AVIL: variants seen among roughly 807,000 people sequenced by gnomAD.
AVIL encodes the protein advillin.
AVIL carries 78 observed loss-of-function variants against 109.9 expected under a neutral mutation model. That is an observed-to-expected ratio of 0.71 (90% CI 0.59 to 0.86). AVIL has a LOEUF of 0.86. Ranked by LOEUF, AVIL falls within the 40% of genes least tolerant of loss-of-function variation. The probability of loss-of-function intolerance (pLI) is 0.00; values close to 1 mark genes in which losing one functional copy is unlikely to be tolerated. For missense variants in AVIL, 892 were observed against 1,016.5 expected, an observed-to-expected ratio of 0.88 and a Z score of 1.67; for synonymous variants, 367 against 379.1, an observed-to-expected ratio of 0.97 and a Z score of 0.37.
intron 2 of AVIL, 99 bp from the exon 3 acceptor site, chr12:57,814,325 G>T: frequency 8.3e-7 from 1 of 1,202,864 alleles, no homozygotes; most frequent in Non-Finnish European, 1.2e-6. Flanking sequence ...GTGGTGGGGA[G>T]AAGGAGGGGA....
intron 9 of AVIL, 137 bp from the exon 10 acceptor site, chr12:57,808,685 C>T (rs896121209): frequency 2.7e-6 from 3 of 1,093,556 alleles, no homozygotes; most frequent in Non-Finnish European, 3.8e-6. Flanking sequence ...TTCTAACTCA[C>T]TTTTGTCTAA....
intron 2 of AVIL, 150 bp from the exon 3 acceptor site, chr12:57,814,376 AC>A: frequency 2.7e-6 from 2 of 749,290 alleles, no homozygotes; most frequent in South Asian, 3.4e-5. Context: ...GCTGCCAGCC[AC>A]AGGGTTAACG....
chr12:57,805,678 C>T (rs1457229602), intron 14 of AVIL, among the ~76,000 whole-genome samples: 12 of 151,532 alleles, frequency 7.9e-5, no homozygotes, highest in East Asian at 1.9e-4. Context: ...GGACTACAGG[C>T]GCATGCTGCC....
Position 57,803,610 on chromosome 12 carries a change from G to A in AVIL, c.1731C>T (p.Gly577=), listed in dbSNP as rs561583168. The A allele has an allele frequency of 1.4e-5, 23 of 1,614,154 alleles. No individual in the cohort carries two copies. The South Asian group carries it at 2.0e-4, about 14-fold the overall frequency. ...AKELASLLCD[G]SENTVAEGQE... ...GGCCCTCGGCCACAGTGTTCTCGCT[G>A]CCATCACAGAGAAGGCTGGCCAGCT... Residue 577 remains glycine (G), a synonymous_variant, in exon 15 of 20, where the codon GGC becomes GGT. Coordinates refer to ENST00000549994, the MANE Select transcript of AVIL (RefSeq NM_006576.4).
chr12:57,816,200 A>C, intron 1 of AVIL, 141 bp from the exon 2 acceptor site: 11 of 651,494 alleles, frequency 1.7e-5, no homozygotes, highest in Admixed American at 3.3e-5. Flanking sequence ...CCATTTCACA[A>C]TGATGGGGGC....
chr12:57,809,943 A>T, intron 7 of AVIL, 53 bp from the exon 8 acceptor site: 1 of 1,567,116 alleles, frequency 6.4e-7, no homozygotes, highest in Non-Finnish European at 8.8e-7. Flanking sequence ...AGCATCTTGT[A>T]GTCAACTAGA....
intron 14 of AVIL, chr12:57,805,833 CT>C (rs1212916686): frequency 4.1e-3 from 412 of 99,964 alleles, no homozygotes; most frequent in African/African-American, 0.015. Flanking sequence ...CTGTGCCTGG[CT>C]TTTTTTTTTT....
intron 1 of AVIL, 100 bp from the exon 2 acceptor site, chr12:57,816,159 T>A: frequency 1.1e-6 from 1 of 932,862 alleles, no homozygotes; most frequent in Admixed American, 2.4e-5. Flanking sequence ...TTGTCAGCCA[T>A]CCTGCCACAC....
intron 2 of AVIL, 94 bp downstream of exon 2, chr12:57,815,881 G>T: frequency 6.3e-7 from 1 of 1,591,328 alleles, no homozygotes; most frequent in East Asian, 2.3e-5. Flanking sequence ...CATAGGCTAA[G>T]GGGTGCTGGC....
rs768173126 is a variant in AVIL, at chr12:57,810,451, A to C, written c.659T>G (p.Met220Arg). Reference protein sequence around the residue: ...GDKEAASPELMKVLQDTLGRR... With the variant: ...GDKEAASPELRKVLQDTLGRR... ...GCCAAGGGTGTCCTGAAGGACCTTCATCAGCTCTGGGCTGGCTGCCTCCTT... is the reference window on the plus strand; with the variant it reads ...GCCAAGGGTGTCCTGAAGGACCTTCCTCAGCTCTGGGCTGGCTGCCTCCTT... The change falls in exon 7 of 20, where the codon ATG (methionine) becomes AGG (arginine). Residue 220 changes from methionine (M) to arginine (R), a missense_variant. By Grantham distance (91) the Met-to-Arg change is moderately conservative. Transcript: ENST00000549994. 2 of 1,614,074 alleles carry C rather than the reference A, an allele frequency of 1.2e-6. No individual in the cohort carries two copies. Among genetic ancestry groups the C allele is most frequent in the African/African-American group, 2.7e-5 (2 of 74,924 alleles).
chr12:57,807,246 C>T (rs1955961651), intron 13 of AVIL, 85 bp downstream of exon 13: 1 of 1,587,854 alleles, frequency 6.3e-7, no homozygotes, highest in Non-Finnish European at 8.6e-7. Context: ...TACCCCACCC[C>T]TCCTCTGCTC....
At chr12:57,803,475 C>T in intron 15 of AVIL, 49 bp downstream of exon 15, 1 of 1,613,726 alleles carries the variant, frequency 6.2e-7, no homozygotes, top group South Asian at 1.1e-5. Flanking sequence ...AATTCACAAG[C>T]CTGGCAGGCA....
chr12:57,801,464 G>C (rs1955846706), intron 17 of AVIL: 1 of 314,270 alleles, frequency 3.2e-6, no homozygotes, highest in Non-Finnish European at 6.0e-6. Context: ...TGAAGGCCAG[G>C]CACAGTGGCT....
Position 57,806,460 on chromosome 12 carries a change from T to G in AVIL, c.1571A>C (p.Asn524Thr), listed in dbSNP as rs775382103. ...LFQIHGNDKS[N>T]TKAVEVPAFA... The stretch of plus-strand genomic sequence containing the variant: ...GGCTGGAACTTCCACTGCTTTGGTG[T>G]TAGATTTGTCATTTCCATGAATTTG... Residue 524 changes from asparagine to threonine, a missense_variant, in exon 14 of 20, where the codon AAC becomes ACC. Transcript: ENST00000549994. 5.0e-6 allele frequency: 8 copies of G among 1,614,010 alleles called. No homozygotes were observed. The East Asian group carries it at 1.6e-4, about 31-fold the overall frequency.
intron 16 of AVIL, 70 bp from the exon 17 acceptor site, chr12:57,802,418 T>A: frequency 6.7e-7 from 1 of 1,488,758 alleles, no homozygotes; most frequent in Non-Finnish European, 9.1e-7. Flanking sequence ...TCATACACAT[T>A]ACCCTATCTT....
intron 3 of AVIL, among the ~76,000 whole-genome samples, 192 bp from the exon 4 acceptor site, chr12:57,813,615 A>G (rs1158945840): frequency 1.3e-5 from 2 of 152,148 alleles, no homozygotes; most frequent in Admixed American, 6.5e-5. Context: ...TGGCAGCCCA[A>G]ATTCCTCCCC....
intron 14 of AVIL, chr12:57,804,551 A>G (rs1344245493): frequency 6.6e-6 from 1 of 152,118 alleles, no homozygotes; most frequent in African/African-American, 2.4e-5. Context: ...GTGGCTCCCT[A>G]CTGTAATCCC....
intron 14 of AVIL, among the ~76,000 whole-genome samples, chr12:57,805,034 C>T (rs1157171021): frequency 6.6e-6 from 1 of 151,978 alleles, no homozygotes; most frequent in Admixed American, 6.6e-5. Context: ...TTTTCCTGTT[C>T]TTTTTTGTAA....
At chr12:57,798,124 G>A in intron 19 of AVIL, 129 bp from the exon 20 acceptor site, 2 of 529,700 alleles carry the variant, frequency 3.8e-6, no homozygotes, top group Non-Finnish European at 6.3e-6. Flanking sequence ...GAATTTCTCA[G>A]AAAGGCTGTT....
Sources: allele counts gnomAD v4.1 joint callset (sites outside exome capture counted in the v4.1 genomes callset), GRCh38; gene constraint gnomAD v4.1.1; transcripts MANE v1.5; gene names NCBI Gene and HGNC (gene_info 2026-07-23, HGNC 2026-07-21).